Variants in THSD7A observed in about 807,000 individuals in gnomAD.
The protein encoded by THSD7A is thrombospondin type 1 domain containing 7A.
In THSD7A, 96 loss-of-function variants were observed where a neutral mutation model predicts 231.3. The ratio of observed to expected loss-of-function variants is 0.41; its 90% CI spans 0.35 to 0.49. The LOEUF is 0.49. Among genes scored for constraint, THSD7A ranks in the 20% least tolerant of loss-of-function variants. THSD7A has a pLI of 0.05. For missense variants in THSD7A, 2,290 were observed against 2,070.2 expected (o/e 1.11, Z -2.06); for synonymous variants, 940 against 743.3 (o/e 1.26, Z -4.30).
chr7:11,587,234 T>C (rs1779945699), intron 4 of THSD7A, among the ~76,000 whole-genome samples: 1 of 152,192 alleles, frequency 6.6e-6, no homozygotes, highest in African/African-American at 2.4e-5. Flanking sequence ...CAAGGCCTCT[T>C]CCTGTCATAT....
At chr7:11,830,924 G>A (rs1189592247) in intron 1 of THSD7A, among the ~76,000 whole-genome samples, 1 of 152,138 alleles carries the variant, frequency 6.6e-6, no homozygotes, top group African/African-American at 2.4e-5. Context: ...CTATGAACAT[G>A]TGAAGTTTCA....
chr7:11,513,714 T>A (rs1008619539), intron 6 of THSD7A, among the ~76,000 whole-genome samples: 1 of 152,216 alleles, frequency 6.6e-6, no homozygotes, highest in Non-Finnish European at 1.5e-5. Flanking sequence ...ACTAGATCAA[T>A]GTAGTGGTTG....
At chr7:11,793,189 G>T (rs1443466104) in intron 1 of THSD7A, among the ~76,000 whole-genome samples, 1 of 151,802 alleles carries the variant, frequency 6.6e-6, no homozygotes, top group African/African-American at 2.4e-5. Context: ...AAAAAATAAA[G>T]ATGGGGTAAG....
intron 1 of THSD7A, among the ~76,000 whole-genome samples, chr7:11,669,221 C>G (rs1223345954): frequency 1.3e-5 from 2 of 152,022 alleles, no homozygotes; most frequent in African/African-American, 4.8e-5. Context: ...ACTTACCTCA[C>G]TAGAGGAGAG....
At chr7:11,660,172 C>G (rs1372052524) in intron 1 of THSD7A, among the ~76,000 whole-genome samples, 1 of 151,470 alleles carries the variant, frequency 6.6e-6, no homozygotes, top group Non-Finnish European at 1.5e-5. Flanking sequence ...CTCATTTCTG[C>G]TTTCAACAGA....
rs994672480 is a variant in THSD7A, at chr7:11,372,265, C to G, written c.*3529G>C. ...AAAAGTCAACATGTTTCAGTGCTAT[C>G]TTCACTCATTAAGCATTTTTTCCTT... On this transcript the variant is annotated 3_prime_UTR_variant, in exon 28 of 28. Transcript: ENST00000423059. The G allele has an allele frequency of 4.0e-5, 6 of 151,478 alleles. No individual in the cohort carries two copies. The highest frequency in any genetic ancestry group is 1.2e-4 in the African/African-American group (5 of 41,204). The allele number at this position is 151,478 out of a possible 1,614,324, so 9.4% of individuals were successfully genotyped here.
At chr7:11,541,230 C>T (rs1390248685) in intron 6 of THSD7A, among the ~76,000 whole-genome samples, 189 bp downstream of exon 6, 1 of 152,140 alleles carries the variant, frequency 6.6e-6, no homozygotes, top group Non-Finnish European at 1.5e-5. Context: ...ATCCTTCCCA[C>T]TGCCACCATT....
chr7:11,812,450 C>T (rs946000936), intron 1 of THSD7A, among the ~76,000 whole-genome samples: 4 of 151,916 alleles, frequency 2.6e-5, no homozygotes, highest in Non-Finnish European at 4.4e-5. Context: ...TATAGGGCAA[C>T]GGATTGTTTA....
intron 6 of THSD7A, among the ~76,000 whole-genome samples, chr7:11,520,393 T>A (rs1226100277): frequency 6.6e-6 from 1 of 152,160 alleles, no homozygotes; most frequent in East Asian, 1.9e-4. Flanking sequence ...TTGGCTTAAA[T>A]AAATAGAAGC....
chr7:11,418,726 TG>T (rs1784041958), intron 16 of THSD7A, among the ~76,000 whole-genome samples: 1 of 152,190 alleles, frequency 6.6e-6, no homozygotes, highest in Non-Finnish European at 1.5e-5. Flanking sequence ...GTCCTTTCCC[TG>T]TGGGATACAT....
At chr7:11,471,494 A>C (rs953527608) in intron 8 of THSD7A, among the ~76,000 whole-genome samples, 1 of 151,994 alleles carries the variant, frequency 6.6e-6, no homozygotes, top group Non-Finnish European at 1.5e-5. Context: ...TATTATAAGT[A>C]TTTATGTAAA....
chr7:11,507,329 A>T (rs1255684523), intron 6 of THSD7A, among the ~76,000 whole-genome samples: 1 of 152,136 alleles, frequency 6.6e-6, no homozygotes, highest in Non-Finnish European at 1.5e-5. Flanking sequence ...TATCACTGCA[A>T]TTCTCACCAA....
intron 17 of THSD7A, 51 bp downstream of exon 17, chr7:11,417,399 T>G: frequency 6.8e-7 from 1 of 1,460,856 alleles, no homozygotes. Context: ...AAAGCTTCAG[T>G]GGCAAATAAT....
At chr7:11,711,878 C>T (rs1400065474) in intron 1 of THSD7A, among the ~76,000 whole-genome samples, 1 of 151,066 alleles carries the variant, frequency 6.6e-6, no homozygotes, top group African/African-American at 2.4e-5. Context: ...GCCTCACAAG[C>T]ATGTTTTAGG....
chr7:11,493,301 A>G (rs1454038105), intron 6 of THSD7A, among the ~76,000 whole-genome samples: 1 of 152,096 alleles, frequency 6.6e-6, no homozygotes, highest in Admixed American at 6.6e-5. Flanking sequence ...ATGGGCCAAG[A>G]TGGAACTCTG....
At chr7:11,614,318 G>C (rs1781034823) in intron 2 of THSD7A, among the ~76,000 whole-genome samples, 2 of 152,194 alleles carry the variant, frequency 1.3e-5, no homozygotes, top group African/African-American at 4.8e-5. Context: ...CTTGAAAGCT[G>C]AGGCAGCCAA....
intron 6 of THSD7A, among the ~76,000 whole-genome samples, chr7:11,506,143 C>A (rs1787534308): frequency 6.6e-6 from 1 of 152,074 alleles, no homozygotes. Flanking sequence ...AGGCATGTGA[C>A]ACCACGCCTG....
intron 4 of THSD7A, among the ~76,000 whole-genome samples, chr7:11,552,644 AGAACAGCCTGTAAAATT>A (rs550735367): frequency 3.2e-4 from 49 of 152,216 alleles, no homozygotes; most frequent in African/African-American, 1.1e-3. Flanking sequence ...TTTTTAACAA[AGAACAGCCTGTAAAATT>A]GAGCTGCAGT....
At chr7:11,592,800 T>C (rs1330143366) in intron 3 of THSD7A, among the ~76,000 whole-genome samples, 4 of 152,198 alleles carry the variant, frequency 2.6e-5, no homozygotes. Flanking sequence ...GGAAAGTTTA[T>C]TTTACCTTGT....
Sources: allele counts gnomAD v4.1 joint callset (sites outside exome capture counted in the v4.1 genomes callset), GRCh38; gene constraint gnomAD v4.1.1; transcripts MANE v1.5; gene names NCBI Gene and HGNC (gene_info 2026-07-23, HGNC 2026-07-21).